ATP6V0A1: variants seen among roughly 807,000 people sequenced by gnomAD.
The protein encoded by ATP6V0A1 is ATPase H+ transporting V0 subunit a1.
Under a neutral mutation model 105.4 loss-of-function variants are expected in ATP6V0A1, and 43 were observed. The observed-to-expected ratio is 0.41, with a 90% CI of 0.32 to 0.53. The LOEUF is 0.53. Among genes scored for constraint, ATP6V0A1 ranks in the 20% least tolerant of loss-of-function variants. ATP6V0A1 has a pLI of 0.30. For missense variants in ATP6V0A1, 676 were observed against 1,051.1 expected, an observed-to-expected ratio of 0.64 and a Z score of 4.93; for synonymous variants, 362 against 372.8, an observed-to-expected ratio of 0.97 and a Z score of 0.33.
chr17:42,472,855 G>C (rs1398437725), intron 5 of ATP6V0A1, among the ~76,000 whole-genome samples: 1 of 152,156 alleles, frequency 6.6e-6, no homozygotes, highest in East Asian at 1.9e-4. Context: ...CTGTAATCTT[G>C]TCAGAAGTAT....
chr17:42,495,103 C>T lies in ATP6V0A1; in HGVS notation c.1384C>T (p.Leu462Phe). 1 of 1,613,868 alleles carries T rather than the reference C, an allele frequency of 6.2e-7. No individual in the cohort carries two copies. ...GGGTGTGTTCTCCATGTACACTGGC[C>T]TCATCTACAATGATTGCTTTTCCAA... is the stretch of plus-strand genomic sequence containing the variant. ...LMGVFSMYTG[L>F]IYNDCFSKSL... Residue 462 changes from leucine (L) to phenylalanine (F), a missense_variant, in exon 13 of 22, where the codon CTC becomes TTC. This residue lies in a region of ATP6V0A1 where 435 missense variants were observed against 642.2 expected (regional missense o/e 0.68). Transcript: ENST00000343619.
chr17:42,504,636 C>T (rs1207872698), intron 17 of ATP6V0A1, among the ~76,000 whole-genome samples: 1 of 152,080 alleles, frequency 6.6e-6, no homozygotes, highest in Non-Finnish European at 1.5e-5. Context: ...ATCACAGTCA[C>T]CTGGTAGACT....
At chr17:42,483,921 T>C (rs900823058) in intron 9 of ATP6V0A1, among the ~76,000 whole-genome samples, 3 of 152,178 alleles carry the variant, frequency 2.0e-5, no homozygotes, top group African/African-American at 7.2e-5. Flanking sequence ...TTTTACCATA[T>C]TGGCCAGGCT....
At chr17:42,501,059 A>G (rs574651031) in intron 16 of ATP6V0A1, 136 bp downstream of exon 16, 1 of 1,166,290 alleles carries the variant, frequency 8.6e-7, no homozygotes, top group Non-Finnish European at 1.2e-6. Flanking sequence ...TGTGATAATT[A>G]TTTTGAGAAA....
chr17:42,461,601 C>T (rs1231656262), intron 2 of ATP6V0A1, among the ~76,000 whole-genome samples: 3 of 151,942 alleles, frequency 2.0e-5, no homozygotes, highest in Admixed American at 6.6e-5. Flanking sequence ...GGTGAAACCC[C>T]GACTCTACTA....
At chr17:42,475,168 G>C (rs2088563149) in intron 5 of ATP6V0A1, among the ~76,000 whole-genome samples, 4 of 152,112 alleles carry the variant, frequency 2.6e-5, no homozygotes, top group Admixed American at 2.0e-4. Flanking sequence ...TTGGGGCCTA[G>C]GTGAATACCT....
chr17:42,499,154 A>G (rs2146104842), intron 15 of ATP6V0A1, 112 bp downstream of exon 15: 1 of 787,270 alleles, frequency 1.3e-6, no homozygotes, highest in Admixed American at 2.3e-5. Flanking sequence ...CTCATTCTAC[A>G]TTATAGAAGT....
At chr17:42,501,055 A>G in intron 16 of ATP6V0A1, 132 bp downstream of exon 16, 2 of 1,186,396 alleles carry the variant, frequency 1.7e-6, no homozygotes, top group Non-Finnish European at 1.2e-6. Context: ...AAAATGTGAT[A>G]ATTATTTTGA....
intron 21 of ATP6V0A1, among the ~76,000 whole-genome samples, chr17:42,517,521 A>G (rs1381497272): frequency 2.0e-5 from 3 of 152,116 alleles, no homozygotes; most frequent in Admixed American, 1.3e-4. Context: ...AAACAGTGCA[A>G]ACCTCCTTTG....
chr17:42,475,514 A>AT (rs779612909), intron 5 of ATP6V0A1, among the ~76,000 whole-genome samples: 1 of 152,160 alleles, frequency 6.6e-6, no homozygotes, highest in Admixed American at 6.5e-5. Flanking sequence ...ACATTATGAG[A>AT]TTTTTTTGGA....
chr17:42,481,906 A>G (rs557635441), intron 8 of ATP6V0A1, among the ~76,000 whole-genome samples: 1 of 152,258 alleles, frequency 6.6e-6, no homozygotes, highest in Admixed American at 6.5e-5. Flanking sequence ...CAGTGGCACA[A>G]TCACAGCTCA....
intron 17 of ATP6V0A1, among the ~76,000 whole-genome samples, chr17:42,504,750 A>T (rs1321400458): frequency 6.6e-6 from 1 of 152,228 alleles, no homozygotes; most frequent in African/African-American, 2.4e-5. Flanking sequence ...TTAAAAAAAT[A>T]AAGCAATAGG....
chr17:42,481,558 T>C (rs775761768), intron 8 of ATP6V0A1, among the ~76,000 whole-genome samples: 104 of 152,114 alleles, frequency 6.8e-4, no homozygotes, highest in African/African-American at 1.2e-3. Flanking sequence ...AGAACCACAG[T>C]TGTGGCCAGA....
intron 15 of ATP6V0A1, 50 bp from the exon 16 acceptor site, chr17:42,500,657 G>C: frequency 6.3e-6 from 9 of 1,435,808 alleles, no homozygotes; most frequent in Non-Finnish European, 8.8e-6. Context: ...CAGTGTAGGA[G>C]TGGCCCTAGG....
intron 15 of ATP6V0A1, among the ~76,000 whole-genome samples, chr17:42,499,560 G>A (rs1392280766): frequency 6.6e-6 from 1 of 151,988 alleles, no homozygotes; most frequent in Admixed American, 6.6e-5. Context: ...GATGAGGCGG[G>A]CAGATCACTT....
In ATP6V0A1 at chr17:42,495,141, C is replaced by T; in HGVS notation, c.1422C>T (p.Ile474=). Residue 474 remains isoleucine (I), a synonymous_variant, in exon 13 of 22, where the codon ATC becomes ATT. Transcript: ENST00000343619. ...ATTGCTTTTCCAAGTCTCTTAATAT[C>T]TTTGGGTCATCCTGGAGTGTACGGC... The part of the protein sequence containing the change: ...YNDCFSKSLN[I]FGSSWSVRPM... 6.2e-7 allele frequency: 1 copy of T among 1,614,092 alleles called. No individual in the cohort carries two copies. Among genetic ancestry groups the T allele is most frequent in the Non-Finnish European group, 8.5e-7 (1 of 1,179,980 alleles).
intron 8 of ATP6V0A1, among the ~76,000 whole-genome samples, 182 bp from the exon 9 acceptor site, chr17:42,482,856 A>C (rs2089689791): frequency 6.7e-6 from 1 of 148,326 alleles, no homozygotes; most frequent in African/African-American, 2.5e-5. Flanking sequence ...AGATCGTGCC[A>C]CTTCACTCCA....
At chr17:42,514,257 C>G (rs773277175) in intron 20 of ATP6V0A1, 32 bp from the exon 21 acceptor site, 7 of 1,547,582 alleles carry the variant, frequency 4.5e-6, no homozygotes, top group Non-Finnish European at 6.1e-6. Context: ...TCTTGCCAAA[C>G]TGCACTGGAT....
At chr17:42,478,106 C>G (rs2088987775) in intron 6 of ATP6V0A1, among the ~76,000 whole-genome samples, 1 of 150,186 alleles carries the variant, frequency 6.7e-6, no homozygotes, top group African/African-American at 2.5e-5. Context: ...CAAACTATCA[C>G]AAGGACAAAA....
Sources: allele counts gnomAD v4.1 joint callset (sites outside exome capture counted in the v4.1 genomes callset), GRCh38; gene constraint gnomAD v4.1.1; regional missense constraint gnomAD v4.1.1; transcripts MANE v1.5; gene names NCBI Gene and HGNC (gene_info 2026-07-23, HGNC 2026-07-21).